The following NINJ2 variants were observed in gnomAD, a reference collection of about 807,000 sequenced individuals.
NINJ2 encodes the protein ninjurin 2, also known as ninjurin-2.
In NINJ2, 12 loss-of-function variants were observed where a neutral mutation model predicts 11.7. The ratio of observed to expected loss-of-function variants is 1.02; its 90% CI spans 0.66 to 1.66. The LOEUF (loss-of-function observed/expected upper bound fraction) is 1.66, where lower values mean the gene tolerates loss of function less well. NINJ2 is among the 40% of genes most tolerant of loss of function. The pLI is 0.00. For synonymous variants in NINJ2, 93 were observed against 76.8 expected (o/e 1.21, Z -1.10); for missense variants, 187 against 181.8 (o/e 1.03, Z -0.16).
chr12:644,052 G>C (rs1937634881), intron 1 of NINJ2: 1 of 154,838 alleles, frequency 6.5e-6, no homozygotes, highest in Non-Finnish European at 1.5e-5. Context: ...GGGGGCCAGA[G>C]TTTCCCAGGA....
Position 580,602 on chromosome 12 carries a change from T to A in NINJ2, c.34-14424A>T, listed in dbSNP as rs201291496. ...ACCCTGTCTCAAAAAAAAAAAAATATATATATATATATATCCATTTGTCAT... is the reference window on the plus strand; with the variant it reads ...ACCCTGTCTCAAAAAAAAAAAAATAAATATATATATATATCCATTTGTCAT... On this transcript the variant is annotated intron_variant, in intron 1 of 3. Coordinates refer to ENST00000305108, the MANE Select transcript of NINJ2 (RefSeq NM_016533.6). The surrounding 1 kb of genome is among the most constrained non-coding windows in gnomAD (Gnocchi z 4.7). Among the ~76,000 whole-genome samples the A allele has an allele frequency of 2.4e-4, 19 of 80,836 alleles. No homozygotes were observed. Among genetic ancestry groups the A allele is most frequent in the South Asian group, 1.0e-3 (2 of 1,910 alleles). The allele number at this position is 80,836 out of a possible 152,430, so 53.0% of individuals were successfully genotyped here.
At chr12:652,153 G>T (rs980164500) in intron 1 of NINJ2, among the ~76,000 whole-genome samples, 1 of 151,714 alleles carries the variant, frequency 6.6e-6, no homozygotes, top group Middle Eastern at 3.4e-3. Context: ...CGAAGACAAA[G>T]AAAAAATCCT....
intron 1 of NINJ2, among the ~76,000 whole-genome samples, chr12:604,251 T>C (rs113641862): frequency 6.6e-6 from 1 of 152,134 alleles, no homozygotes; most frequent in African/African-American, 2.4e-5. Flanking sequence ...AGTAAAGGGA[T>C]TTTTTAAAGT....
At chr12:573,912 T>C (rs1242384665) in intron 1 of NINJ2, among the ~76,000 whole-genome samples, 4 of 152,286 alleles carry the variant, frequency 2.6e-5, no homozygotes, top group African/African-American at 9.6e-5. Context: ...ACCTTTTGAA[T>C]TTTGAAACAT....
intron 2 of NINJ2, chr12:565,665 GGTGAGCGA>G: frequency 1.6e-6 from 1 of 612,354 alleles, no homozygotes; most frequent in Non-Finnish European, 2.9e-6. Context: ...ATGGAGAAGC[GGTGAGCGA>G]GTGAGTGAGT....
chr12:654,163 C>G (rs1299538500), intron 1 of NINJ2, among the ~76,000 whole-genome samples: 5 of 152,102 alleles, frequency 3.3e-5, no homozygotes, highest in Admixed American at 2.0e-4. Context: ...CCACTGCACT[C>G]CAGCCTGGGT....
At chr12:611,270 T>C (rs1467396912) in intron 1 of NINJ2, among the ~76,000 whole-genome samples, 1 of 151,210 alleles carries the variant, frequency 6.6e-6, no homozygotes, top group Non-Finnish European at 1.5e-5. Flanking sequence ...TCTTTCTTTC[T>C]TTCTCTCTCT....
At chr12:624,112 C>G (rs1299025486) in intron 1 of NINJ2, among the ~76,000 whole-genome samples, 1 of 152,138 alleles carries the variant, frequency 6.6e-6, no homozygotes, top group African/African-American at 2.4e-5. Context: ...CTACCCTCAC[C>G]CTGAACTCTA....
intron 1 of NINJ2, among the ~76,000 whole-genome samples, chr12:646,861 A>T (rs1386881088): frequency 6.6e-6 from 1 of 152,206 alleles, no homozygotes; most frequent in Non-Finnish European, 1.5e-5. Context: ...GCTTCCCTGG[A>T]CAAGGGTTGT....
intron 1 of NINJ2, among the ~76,000 whole-genome samples, chr12:625,067 A>G (rs1592104223): frequency 6.9e-6 from 1 of 144,974 alleles, no homozygotes; most frequent in Non-Finnish European, 1.5e-5. Context: ...GTGCCACTGC[A>G]CTCCTGCCTG....
At chr12:638,446 C>A (rs1334474662) in intron 1 of NINJ2, among the ~76,000 whole-genome samples, 1 of 152,144 alleles carries the variant, frequency 6.6e-6, no homozygotes, top group Non-Finnish European at 1.5e-5. Flanking sequence ...GACGGAGTCT[C>A]GCTCTGTCAC....
At chr12:616,510 G>C (rs1948093092) in intron 1 of NINJ2, among the ~76,000 whole-genome samples, 1 of 152,232 alleles carries the variant, frequency 6.6e-6, no homozygotes, top group South Asian at 2.1e-4. Flanking sequence ...GATCATCTGT[G>C]CGTGAGCTTC....
chr12:602,744 TC>T (rs1220857611), intron 1 of NINJ2, among the ~76,000 whole-genome samples: 1 of 152,206 alleles, frequency 6.6e-6, no homozygotes, highest in Non-Finnish European at 1.5e-5. Flanking sequence ...TTCCAGTTTC[TC>T]CTCATCCTTA....
chr12:622,769 C>T (rs1448135189), intron 1 of NINJ2, among the ~76,000 whole-genome samples: 1 of 151,974 alleles, frequency 6.6e-6, no homozygotes, highest in Non-Finnish European at 1.5e-5. Flanking sequence ...CAGTCACACA[C>T]GGATAGCTTT....
chr12:647,868 G>T (rs1375566438), intron 1 of NINJ2, among the ~76,000 whole-genome samples: 2 of 152,104 alleles, frequency 1.3e-5, no homozygotes, highest in East Asian at 1.9e-4. Flanking sequence ...CACTGAGTTC[G>T]AGTATAGCAA....
At chr12:579,252 G>C (rs1299089608) in intron 1 of NINJ2, among the ~76,000 whole-genome samples, 1 of 152,206 alleles carries the variant, frequency 6.6e-6, no homozygotes, top group East Asian at 1.9e-4. Flanking sequence ...AGTGAGATGG[G>C]AGAAAGGGAA....
chr12:574,414 G>A (rs187738007), intron 1 of NINJ2, among the ~76,000 whole-genome samples: 1 of 152,310 alleles, frequency 6.6e-6, no homozygotes, highest in Non-Finnish European at 1.5e-5. Flanking sequence ...AAAGTTTATG[G>A]GTTGGAAACT....
rs1261605347 is a variant in NINJ2, at chr12:585,970, G to T, written c.34-19792C>A. ...CTTCTGGTAATCACAGAAGCTCTGC[G>T]CTGGGAACCAGTACCCTAACAGAGG... On this transcript the variant is annotated intron_variant, in intron 1 of 3. Transcript: ENST00000305108. This position sits in a 1 kb window ranked among gnomAD's most constrained non-coding sequence, Gnocchi z 4.1. 6.6e-6 allele frequency: 1 copy of T among 152,122 alleles called. No homozygotes were observed. The allele number at this position is 152,122 out of a possible 1,614,324, so 9.4% of individuals were successfully genotyped here.
At chr12:608,716 A>G (rs574459382) in intron 1 of NINJ2, among the ~76,000 whole-genome samples, 4 of 135,096 alleles carry the variant, frequency 3.0e-5, no homozygotes, top group East Asian at 3.9e-4. Flanking sequence ...CTAAATATGA[A>G]TAACTCAGCA....
Sources: allele counts gnomAD v4.1 joint callset (sites outside exome capture counted in the v4.1 genomes callset), GRCh38; gene constraint gnomAD v4.1.1; non-coding constraint Gnocchi (gnomAD v3.1); transcripts MANE v1.5; gene names NCBI Gene and HGNC (gene_info 2026-07-23, HGNC 2026-07-21).